Variants in MAP3K13 observed in about 807,000 individuals in gnomAD.
The protein encoded by MAP3K13 is leucine zipper-bearing kinase.
In MAP3K13, 52 loss-of-function variants were observed where a neutral mutation model predicts 104.0. The observed-to-expected ratio is 0.50, with a 90% CI of 0.40 to 0.63. MAP3K13 has a LOEUF of 0.63. MAP3K13 is among the 20% of genes least tolerant of loss of function. MAP3K13 has a pLI of 0.00. For synonymous variants in MAP3K13, 394 were observed against 442.2 expected, an observed-to-expected ratio of 0.89 and a Z score of 1.37; for missense variants, 914 against 1,218.5, an observed-to-expected ratio of 0.75 and a Z score of 3.72.
At position 185,423,877 on chromosome 3, in the gene MAP3K13, T is replaced by C. The variant is rs116204489; in HGVS notation, c.-85-4620T>C. 4.5e-3 allele frequency among the ~76,000 whole-genome samples: 686 copies of C among 152,282 alleles called. 8 individuals are homozygous for C. The highest frequency in any genetic ancestry group is 0.016 in the African/African-American group (652 of 41,540). Reference sequence around the variant, plus strand: ...CACGCTCTGGTCATTCCCGCTTCCCTGCCTCTGCCAGTGCTCTTGTTCGCC... The same window carrying C: ...CACGCTCTGGTCATTCCCGCTTCCCCGCCTCTGCCAGTGCTCTTGTTCGCC... On this transcript the variant is annotated intron_variant, in intron 1 of 13. Coordinates refer to ENST00000265026, the MANE Select transcript of MAP3K13 (RefSeq NM_004721.5). The surrounding 1 kb of genome is among the most constrained non-coding windows in gnomAD (Gnocchi z 4.1).
chr3:185,333,669 G>A (rs1403963170), intron 2 of MAP3K13, among the ~76,000 whole-genome samples: 1 of 152,054 alleles, frequency 6.6e-6, no homozygotes, highest in African/African-American at 2.4e-5. Context: ...TGAGCCCGGA[G>A]GATCACTTGA....
intron 2 of MAP3K13, among the ~76,000 whole-genome samples, chr3:185,288,519 T>G (rs1170737033): frequency 3.4e-5 from 2 of 58,538 alleles, no homozygotes; most frequent in African/African-American, 1.2e-4. Context: ...AAAAAGAGAA[T>G]ATGTGTGTGT....
At chr3:185,414,693 C>A (rs1181473809) in intron 1 of MAP3K13, among the ~76,000 whole-genome samples, 1 of 152,106 alleles carries the variant, frequency 6.6e-6, no homozygotes, top group African/African-American at 2.4e-5. Context: ...GTTACTGATG[C>A]TCTTCAACAG....
intron 1 of MAP3K13, among the ~76,000 whole-genome samples, chr3:185,419,075 G>A (rs1208349448): frequency 1.3e-5 from 2 of 149,954 alleles, no homozygotes; most frequent in African/African-American, 4.9e-5. Flanking sequence ...GGAGTGCAGT[G>A]GCGTGATCTT....
At chr3:185,469,600 G>T (rs1392847102) in intron 10 of MAP3K13, among the ~76,000 whole-genome samples, 1 of 152,168 alleles carries the variant, frequency 6.6e-6, no homozygotes, top group Non-Finnish European at 1.5e-5. Context: ...GAACTTCCAT[G>T]CTAAGACAAG....
At chr3:185,297,118 A>T (rs550817082) in intron 2 of MAP3K13, among the ~76,000 whole-genome samples, 2 of 152,314 alleles carry the variant, frequency 1.3e-5, no homozygotes, top group South Asian at 4.1e-4. Flanking sequence ...TAACTATAAG[A>T]CATTGTGCAG....
chr3:185,310,501 T>C (rs1356970811), intron 2 of MAP3K13, among the ~76,000 whole-genome samples: 1 of 152,104 alleles, frequency 6.6e-6, no homozygotes, highest in Admixed American at 6.5e-5. Context: ...GTAGAAAAAG[T>C]AGGCCTCATG....
chr3:185,305,826 G>T (rs755631131), intron 2 of MAP3K13, among the ~76,000 whole-genome samples: 15 of 152,070 alleles, frequency 9.9e-5, no homozygotes, highest in Non-Finnish European at 2.2e-4. Context: ...TGTTACATGG[G>T]TATATTGCAT....
intron 2 of MAP3K13, chr3:185,291,633 A>G: frequency 6.5e-7 from 1 of 1,528,850 alleles, no homozygotes; most frequent in Non-Finnish European, 8.7e-7. Context: ...CACGTTTTTG[A>G]AGACCATGGC....
chr3:185,474,704 C>T (rs1718010685), intron 11 of MAP3K13, among the ~76,000 whole-genome samples: 1 of 152,178 alleles, frequency 6.6e-6, no homozygotes, highest in African/African-American at 2.4e-5. Flanking sequence ...CTGTTTCTCT[C>T]CTCCTTATCC....
intron 1 of MAP3K13, among the ~76,000 whole-genome samples, chr3:185,415,573 A>ATTTTTTTTTTTTTTTTTTTTTTTTT (rs34633048): frequency 8.4e-6 from 1 of 119,452 alleles, no homozygotes; most frequent in Non-Finnish European, 1.7e-5. Context: ...AGAAGGGTTA[A>ATTTTTTTTTTTTTTTTTTTTTTTTT]TTTCTTTTTT....
In MAP3K13 at chr3:185,454,953, GAT is replaced by G. The variant is rs1344071366; in HGVS notation, c.1278+3567_1278+3568del. On this transcript the variant is annotated intron_variant, in intron 7 of 13. Transcript: ENST00000265026. The stretch of plus-strand genomic sequence containing the variant: ...TATGATATATATATGAGATATATAT[GAT>G]ATATATATGAGATATATATATGATA... 4.9e-4 allele frequency among the ~76,000 whole-genome samples: 40 copies of G among 81,970 alleles called. 1 individual carries two copies. Among genetic ancestry groups the G allele is most frequent in the Admixed American group, 1.7e-3 (10 of 5,778 alleles). The allele number at this position is 81,970 out of a possible 152,430, so 53.8% of individuals were successfully genotyped here.
intron 1 of MAP3K13, among the ~76,000 whole-genome samples, chr3:185,397,352 G>A (rs978520249): frequency 2.0e-5 from 3 of 152,206 alleles, no homozygotes; most frequent in Non-Finnish European, 2.9e-5. Flanking sequence ...GAGGCCTGGA[G>A]AGGTTAAGTG....
At chr3:185,349,177 A>G (rs1227988894) in intron 2 of MAP3K13, among the ~76,000 whole-genome samples, 2 of 150,796 alleles carry the variant, frequency 1.3e-5, no homozygotes, top group African/African-American at 4.9e-5. Flanking sequence ...GGTTTGTTAC[A>G]TTGGTATATT....
At chr3:185,463,368 C>T (rs1013769594) in intron 7 of MAP3K13, among the ~76,000 whole-genome samples, 182 bp from the exon 8 acceptor site, 4 of 152,002 alleles carry the variant, frequency 2.6e-5, no homozygotes, top group African/African-American at 9.7e-5. Context: ...TGGGCTGGGG[C>T]GTGGAGATAT....
intron 2 of MAP3K13, among the ~76,000 whole-genome samples, chr3:185,293,842 T>C (rs189803185): frequency 6.6e-6 from 1 of 152,326 alleles, no homozygotes; most frequent in East Asian, 1.9e-4. Context: ...AAGAATTTAA[T>C]ATCAATTTGA....
intron 1 of MAP3K13, among the ~76,000 whole-genome samples, chr3:185,399,627 G>A (rs1217204028): frequency 7.5e-4 from 3 of 3,998 alleles, no homozygotes; most frequent in African/African-American, 2.5e-3. Flanking sequence ...AGAGAAAGGC[G>A]GGGGGGGGGG....
Position 185,454,673 on chromosome 3 carries a change from A to T in MAP3K13, c.1278+3278A>T, listed in dbSNP as rs1165015339. ...ATGATATATATATGATATATATGAG[A>T]TATTTATATGATATATATATGAGAT... On this transcript the variant is annotated intron_variant, in intron 7 of 13. Coordinates refer to ENST00000265026, the MANE Select transcript of MAP3K13 (RefSeq NM_004721.5). Among the ~76,000 whole-genome samples the T allele has an allele frequency of 3.0e-5, 3 of 99,976 alleles. 1 individual carries two copies. The Admixed American group carries it at 4.2e-4, about 14-fold the overall frequency. The allele number at this position is 99,976 out of a possible 152,430, so 65.6% of individuals were successfully genotyped here.
At chr3:185,290,493 T>C (rs1206428315) in intron 2 of MAP3K13, among the ~76,000 whole-genome samples, 2 of 152,190 alleles carry the variant, frequency 1.3e-5, no homozygotes, top group Non-Finnish European at 2.9e-5. Context: ...AGTGAAAGAT[T>C]GTGACATGGC....
Sources: gnomAD v4.1 joint callset for allele counts (sites outside exome capture counted in the v4.1 genomes callset) on GRCh38, gnomAD v4.1.1 for gene constraint, Gnocchi (gnomAD v3.1) non-coding constraint, MANE v1.5 for transcripts, NCBI Gene and HGNC (gene_info 2026-07-23, HGNC 2026-07-21) for gene names.